Variants in ABLIM2 observed in about 807,000 individuals in gnomAD.
ABLIM2 encodes actin-binding LIM protein 2.
ABLIM2 carries 53 observed loss-of-function variants against 97.7 expected under a neutral mutation model. That is an observed-to-expected ratio of 0.54 (90% CI 0.44 to 0.68). The LOEUF (loss-of-function observed/expected upper bound fraction) is 0.68. Among genes scored for constraint, ABLIM2 ranks in the 30% least tolerant of loss-of-function variants. The pLI is 0.00. For synonymous variants in ABLIM2, 361 were observed against 345.8 expected (o/e 1.04, Z -0.49); for missense variants, 835 against 867.2 (o/e 0.96, Z 0.47).
chr4:8,096,290 C>A (rs1831533089), intron 3 of ABLIM2, among the ~76,000 whole-genome samples: 1 of 152,210 alleles, frequency 6.6e-6, no homozygotes, highest in Non-Finnish European at 1.5e-5. Flanking sequence ...GACTCCAATG[C>A]GACCAGGGCT....
At chr4:7,993,174 C>T (rs1429574379) in intron 16 of ABLIM2, among the ~76,000 whole-genome samples, 1 of 152,218 alleles carries the variant, frequency 6.6e-6, no homozygotes, top group East Asian at 1.9e-4. Flanking sequence ...AACCTCAGCC[C>T]AGCTGGCCCC....
At chr4:8,133,026 C>T (rs954016505) in intron 1 of ABLIM2, among the ~76,000 whole-genome samples, 9 of 152,178 alleles carry the variant, frequency 5.9e-5, no homozygotes, top group African/African-American at 1.9e-4. Flanking sequence ...GTGAGGACAA[C>T]GCAGGCTCTG....
rs962049805 is a variant in ABLIM2 at position 8,004,005 on chromosome 4, C to T, written c.1618+4054G>A. ...CACGTCAGGGAGGCTCTTCCTTCGACCACGGACTAAGGAACGCGAGAAGAA... is the reference window on the plus strand; with the variant it reads ...CACGTCAGGGAGGCTCTTCCTTCGATCACGGACTAAGGAACGCGAGAAGAA... On this transcript the variant is annotated intron_variant, in intron 16 of 20. Coordinates refer to ENST00000447017, the MANE Select transcript of ABLIM2 (RefSeq NM_001130083.2). This position sits in a 1 kb window ranked among gnomAD's most constrained non-coding sequence, Gnocchi z 5.9. 3.3e-5 allele frequency among the ~76,000 whole-genome samples: 5 copies of T among 152,104 alleles called. No individual in the cohort carries two copies. The highest frequency in any genetic ancestry group is 6.5e-5 in the Admixed American group (1 of 15,276).
chr4:8,050,299 G>C (rs932643795), intron 8 of ABLIM2, among the ~76,000 whole-genome samples: 1 of 152,182 alleles, frequency 6.6e-6, no homozygotes, highest in Non-Finnish European at 1.5e-5. Flanking sequence ...TCCTTGTCCT[G>C]GGAGAGCTCC....
At chr4:8,091,917 AATAT>A (rs1829022592) in intron 3 of ABLIM2, among the ~76,000 whole-genome samples, 1 of 119,200 alleles carries the variant, frequency 8.4e-6, no homozygotes, top group Non-Finnish European at 1.6e-5. Context: ...ATATTGTTAT[AATAT>A]ATAATGTATA....
rs922578956 is a variant in ABLIM2, at chr4:8,015,990, C to T, written c.1423+3628G>A. Among the ~76,000 whole-genome samples the T allele has an allele frequency of 1.3e-5, 2 of 150,798 alleles. No homozygotes were observed. The highest frequency in any genetic ancestry group is 2.1e-4 in the South Asian group (1 of 4,776). On this transcript the variant is annotated intron_variant, in intron 14 of 20. Transcript: ENST00000447017. This position sits in a 1 kb window ranked among gnomAD's most constrained non-coding sequence, Gnocchi z 4.6. ...AAGTTCAAATCAGATATGAGACGAT[C>T]GTAAGCTACTATTCCTGTCTGTAAT...
At chr4:7,974,193 A>G (rs1730677763) in intron 20 of ABLIM2, among the ~76,000 whole-genome samples, 1 of 151,966 alleles carries the variant, frequency 6.6e-6, no homozygotes, top group South Asian at 2.1e-4. Context: ...CTATCTATCC[A>G]TCCATCCATC....
chr4:8,123,266 C>A lies in ABLIM2; in HGVS notation c.11-16629G>T, dbSNP rs2152889276. 6.6e-6 allele frequency among the ~76,000 whole-genome samples: 1 copy of A among 152,256 alleles called. No homozygotes were observed. Among genetic ancestry groups the A allele is most frequent in the Middle Eastern group, 3.4e-3 (1 of 294 alleles). ...CAGGCATGGTGTGGGCACAACAGCA[C>A]CAGCCCCATCTCCAACTGGCATGAG... On this transcript the variant is annotated intron_variant, in intron 1 of 20. Transcript: ENST00000447017. This position sits in a 1 kb window ranked among gnomAD's most constrained non-coding sequence, Gnocchi z 6.2.
At chr4:7,971,902 C>T (rs568241080) in intron 20 of ABLIM2, among the ~76,000 whole-genome samples, 88 of 152,194 alleles carry the variant, frequency 5.8e-4, no homozygotes, top group Non-Finnish European at 8.7e-4. Flanking sequence ...CCTAGCCCTG[C>T]TCAGCCTGGG....
At chr4:8,111,146 T>C (rs1269951545) in intron 1 of ABLIM2, among the ~76,000 whole-genome samples, 1 of 152,206 alleles carries the variant, frequency 6.6e-6, no homozygotes, top group East Asian at 1.9e-4. Flanking sequence ...ATCCAGACGA[T>C]GAAATATTAT....
chr4:7,980,941 A>ATTTATTTTTTTTTTTTT (rs1737683282), intron 20 of ABLIM2, among the ~76,000 whole-genome samples: 1 of 82,988 alleles, frequency 1.2e-5, no homozygotes, highest in African/African-American at 5.5e-5. Flanking sequence ...ACAACCCCTT[A>ATTTATTTTTTTTTTTTT]TTTTTTTTTT....
rs1034675595 is a variant in ABLIM2, at chr4:8,023,872, A to G, written c.1268-3569T>C. Among the ~76,000 whole-genome samples, 4 of 152,050 alleles carry G rather than the reference A, an allele frequency of 2.6e-5. No homozygotes were observed. The highest frequency in any genetic ancestry group is 6.5e-5 in the Admixed American group (1 of 15,272). ...TTCATCGTGGTGCTCCCAGTGGCCC[A>G]GTGTGTGCCTGGTGCTGGCTCAGCT... On this transcript the variant is annotated intron_variant, in intron 12 of 20. Transcript: ENST00000447017. The surrounding 1 kb of genome is among the most constrained non-coding windows in gnomAD (Gnocchi z 5.7).
chr4:8,024,488 G>A (rs1009731925), intron 12 of ABLIM2, among the ~76,000 whole-genome samples: 7 of 152,180 alleles, frequency 4.6e-5, no homozygotes, highest in African/African-American at 1.7e-4. Flanking sequence ...ACTGAGAGGG[G>A]CCAGAGACGC....
chr4:8,049,764 T>C (rs1794805450), intron 8 of ABLIM2, among the ~76,000 whole-genome samples: 1 of 152,210 alleles, frequency 6.6e-6, no homozygotes, highest in Non-Finnish European at 1.5e-5. Context: ...GGTCTCACTC[T>C]GTTGCCCAGG....
Position 8,106,703 on chromosome 4 carries a change from A to C in ABLIM2, c.11-66T>G. 1.3e-6 allele frequency: 2 copies of C among 1,524,900 alleles called. 1 individual carries two copies. Among genetic ancestry groups the C allele is most frequent in the Non-Finnish European group, 1.8e-6 (2 of 1,138,250 alleles). 94.5% of individuals were successfully genotyped at this position (1,524,900 alleles called of 1,614,324 possible). ...TGTGAGGCACAAAGGTGAGCAAAGCAGGCGTGTGAGGACGCACAGCTGACC... is the reference window on the plus strand; with the variant it reads ...TGTGAGGCACAAAGGTGAGCAAAGCCGGCGTGTGAGGACGCACAGCTGACC... On this transcript the variant is annotated intron_variant, in intron 1 of 20. Coordinates refer to ENST00000447017, the MANE Select transcript of ABLIM2 (RefSeq NM_001130083.2).
In ABLIM2 at chr4:8,128,918, T is replaced by G. The variant is rs955607725; in HGVS notation, c.11-22281A>C. 1.3e-5 allele frequency among the ~76,000 whole-genome samples: 2 copies of G among 152,120 alleles called. No homozygotes were observed. Among genetic ancestry groups the G allele is most frequent in the Non-Finnish European group, 2.9e-5 (2 of 68,008 alleles). On this transcript the variant is annotated intron_variant, in intron 1 of 20. Transcript: ENST00000447017. This position sits in a 1 kb window ranked among gnomAD's most constrained non-coding sequence, Gnocchi z 4.9. ...GCCCGACCATGCTGGCACTCTGATC[T>G]TGGACTTCCAGCCTCCAGAACTGAG...
chr4:8,096,831 C>A (rs1213874241), intron 3 of ABLIM2, among the ~76,000 whole-genome samples: 1 of 152,190 alleles, frequency 6.6e-6, no homozygotes, highest in African/African-American at 2.4e-5. Flanking sequence ...CCAGTCTCCG[C>A]AGCCAGCACT....
intron 4 of ABLIM2, among the ~76,000 whole-genome samples, chr4:8,084,761 A>G (rs1822240145): frequency 6.6e-6 from 1 of 152,026 alleles, no homozygotes; most frequent in Non-Finnish European, 1.5e-5. Context: ...ATTTTTCCCA[A>G]TTGCCAGCCT....
chr4:8,081,223 G>A (rs1819630387), intron 4 of ABLIM2, among the ~76,000 whole-genome samples: 1 of 152,064 alleles, frequency 6.6e-6, no homozygotes, highest in Non-Finnish European at 1.5e-5. Context: ...GTCAGCCCTG[G>A]GAGCTCTCCC....
Sources: gnomAD v4.1 joint callset for allele counts (sites outside exome capture counted in the v4.1 genomes callset) on GRCh38, gnomAD v4.1.1 for gene constraint, Gnocchi (gnomAD v3.1) non-coding constraint, MANE v1.5 for transcripts, NCBI Gene and HGNC (gene_info 2026-07-23, HGNC 2026-07-21) for gene names.